ZMYM2: variants seen among roughly 807,000 people sequenced by gnomAD.
ZMYM2 encodes the protein zinc finger MYM-type protein 2.
Under a neutral mutation model 162.8 loss-of-function variants are expected in ZMYM2, and 56 were observed. The ratio of observed to expected loss-of-function variants is 0.34; its 90% CI spans 0.28 to 0.43. The LOEUF (loss-of-function observed/expected upper bound fraction) is 0.43, where lower values mean the gene tolerates loss of function less well. ZMYM2 is among the 20% of genes least tolerant of loss of function. The pLI is 1.00. For synonymous variants in ZMYM2, 510 were observed against 541.6 expected (o/e 0.94, Z 0.81); for missense variants, 1,275 against 1,621.8 (o/e 0.79, Z 3.67).
chr13:20,058,153 G>A (rs556181767), intron 14 of ZMYM2, among the ~76,000 whole-genome samples: 2 of 152,268 alleles, frequency 1.3e-5, no homozygotes, highest in South Asian at 2.1e-4. Context: ...CATATTTAAA[G>A]CCATTTATCC....
At chr13:19,953,682 C>CAAAAAAAAA (rs35266783), upstream of ZMYM2, among the ~76,000 whole-genome samples, 1 of 75,280 alleles carries the variant, frequency 1.3e-5, no homozygotes, top group African/African-American at 5.2e-5. Flanking sequence ...GACTCTGTCT[C>CAAAAAAAAA]AAAAAAAAAA....
intron 21 of ZMYM2, among the ~76,000 whole-genome samples, chr13:20,072,410 A>G (rs779487778): frequency 9.9e-5 from 15 of 152,186 alleles, no homozygotes; most frequent in Non-Finnish European, 2.1e-4. Context: ...AGTCCCAGCT[A>G]CTTGGGAGGC....
upstream of ZMYM2, chr13:19,958,687 G>A: frequency 6.5e-6 from 1 of 154,476 alleles, no homozygotes; most frequent in Non-Finnish European, 1.4e-5. Context: ...GGAGGGCGGG[G>A]CCTCCCCGGG....
rs940877359 is a variant in ZMYM2, at chr13:19,963,744, T to C, written c.-11+3718T>C. ...GTTGTTTTTGTGCATATTTAAGATA[T>C]ATTAATTTTTTTTGGATCAAGCTTT... On this transcript the variant is annotated intron_variant, in intron 2 of 24. Transcript: ENST00000610343. 8.5e-5 allele frequency among the ~76,000 whole-genome samples: 13 copies of C among 152,266 alleles called. No individual in the cohort carries two copies. In the East Asian group the frequency reaches 2.5e-3, roughly 29 times the overall value.
At chr13:19,986,606 A>G (rs932131297) in intron 2 of ZMYM2, among the ~76,000 whole-genome samples, 4 of 152,298 alleles carry the variant, frequency 2.6e-5, no homozygotes, top group African/African-American at 9.6e-5. Flanking sequence ...TCTATTACAG[A>G]AAGTTTTAAA....
chr13:20,071,462 T>G (rs1461767789), intron 21 of ZMYM2, among the ~76,000 whole-genome samples: 2 of 152,204 alleles, frequency 1.3e-5, no homozygotes, highest in African/African-American at 2.4e-5. Context: ...TTACAAAGTC[T>G]TCTTGGTTTT....
the ZMYM2 span, among the ~76,000 whole-genome samples, chr13:19,893,910 C>T: frequency 3.3e-5 from 5 of 151,756 alleles, no homozygotes; most frequent in African/African-American, 1.2e-4. Context: ...AGCAGCTGGT[C>T]CTACAGGCAC....
At chr13:20,067,852 AC>A (rs1956796593) in intron 21 of ZMYM2, among the ~76,000 whole-genome samples, 1 of 152,306 alleles carries the variant, frequency 6.6e-6, no homozygotes, top group East Asian at 1.9e-4. Context: ...TTAAATAATG[AC>A]CTCTAGTTCT....
At chr13:19,958,719 T>TCCG (rs1954753407), upstream of ZMYM2, 1 of 148,240 alleles carries the variant, frequency 6.7e-6, no homozygotes, top group African/African-American at 2.5e-5. Flanking sequence ...CGCCGCCTCC[T>TCCG]CCGCCTCCTC....
intron 2 of ZMYM2, among the ~76,000 whole-genome samples, chr13:19,981,686 G>A (rs539324922): frequency 6.6e-6 from 1 of 152,196 alleles, no homozygotes; most frequent in African/African-American, 2.4e-5. Context: ...CATTTTTGTG[G>A]ATATCTTTTC....
At chr13:19,934,183 C>T in the ZMYM2 span, among the ~76,000 whole-genome samples, 14 of 152,040 alleles carry the variant, frequency 9.2e-5, no homozygotes, top group Admixed American at 3.3e-4. Flanking sequence ...TTTTTTGAGA[C>T]GTAGTCTCGA....
chr13:19,899,007 T>G, the ZMYM2 span, among the ~76,000 whole-genome samples: 1 of 148,250 alleles, frequency 6.7e-6, no homozygotes, highest in African/African-American at 2.5e-5. Flanking sequence ...CCAGGCACAA[T>G]CCTCGCTTGA....
the ZMYM2 span, among the ~76,000 whole-genome samples, chr13:19,948,000 TA>T: frequency 3.4e-3 from 124 of 36,416 alleles, no homozygotes; most frequent in Admixed American, 3.7e-3. Context: ...ATCCTGTAAG[TA>T]AAAAAAAAAA....
the ZMYM2 span, among the ~76,000 whole-genome samples, chr13:19,905,471 C>G: frequency 2.6e-5 from 4 of 152,106 alleles, no homozygotes; most frequent in African/African-American, 9.7e-5. Flanking sequence ...ATCCAGAGCC[C>G]ACACCCCAAC....
intron 21 of ZMYM2, among the ~76,000 whole-genome samples, chr13:20,073,255 C>T (rs767725921): frequency 3.3e-5 from 5 of 151,988 alleles, no homozygotes; most frequent in Non-Finnish European, 5.9e-5. Context: ...CCAACTTTTT[C>T]GTAAAGGGCA....
At chr13:19,905,242 A>C in the ZMYM2 span, among the ~76,000 whole-genome samples, 1 of 151,956 alleles carries the variant, frequency 6.6e-6, no homozygotes, top group Non-Finnish European at 1.5e-5. Flanking sequence ...GGAACTCCTG[A>C]CCTCAAGTGA....
chr13:20,055,566 G>C (rs1472815350), intron 14 of ZMYM2, among the ~76,000 whole-genome samples: 1 of 152,192 alleles, frequency 6.6e-6, no homozygotes, highest in Non-Finnish European at 1.5e-5. Context: ...CAAGAAAGCT[G>C]TGATGTACCT....
chr13:19,957,626 T>C (rs1250968846), upstream of ZMYM2, among the ~76,000 whole-genome samples: 1 of 152,218 alleles, frequency 6.6e-6, no homozygotes, highest in Non-Finnish European at 1.5e-5. Context: ...CGCCCCGCGA[T>C]GCAGCGGGCT....
chr13:20,063,599 C>A (rs259788), intron 18 of ZMYM2, among the ~76,000 whole-genome samples: 1 of 149,598 alleles, frequency 6.7e-6, no homozygotes, highest in African/African-American at 2.5e-5. Flanking sequence ...TGGCCAACGT[C>A]GTGAAACCCC....
Sources: gnomAD v4.1 joint callset for allele counts (sites outside exome capture counted in the v4.1 genomes callset) on GRCh38, gnomAD v4.1.1 for gene constraint, MANE v1.5 for transcripts, NCBI Gene and HGNC (gene_info 2026-07-23, HGNC 2026-07-21) for gene names.